The following LHFPL6 variants were observed in gnomAD, a reference collection of about 807,000 sequenced individuals.
LHFPL6 encodes the protein LHFPL tetraspan subfamily member 6 protein.
Under a neutral mutation model 20.6 loss-of-function variants are expected in LHFPL6, and 9 were observed. That is an observed-to-expected ratio of 0.44 (90% CI 0.26 to 0.76). The LOEUF is 0.76. Ranked by LOEUF, LHFPL6 falls within the 30% of genes least tolerant of loss-of-function variation. The pLI is 0.20. For synonymous variants in LHFPL6, 105 were observed against 98.7 expected, an observed-to-expected ratio of 1.06 and a Z score of -0.38; for missense variants, 218 against 253.5, an observed-to-expected ratio of 0.86 and a Z score of 0.95.
chr13:39,452,426 A>C (rs1417166610), intron 2 of LHFPL6, among the ~76,000 whole-genome samples: 1 of 152,230 alleles, frequency 6.6e-6, no homozygotes, highest in African/African-American at 2.4e-5. Context: ...TTCAACTTAG[A>C]GAAGAGAAAG....
intron 2 of LHFPL6, among the ~76,000 whole-genome samples, chr13:39,504,725 G>A (rs565337376): frequency 1.3e-5 from 2 of 152,330 alleles, no homozygotes; most frequent in Non-Finnish European, 2.9e-5. Context: ...TGCAAATACA[G>A]TCACATTCTG....
At chr13:39,554,130 C>T (rs767108528) in intron 2 of LHFPL6, among the ~76,000 whole-genome samples, 67 of 152,324 alleles carry the variant, frequency 4.4e-4, no homozygotes, top group Middle Eastern at 3.4e-3. Flanking sequence ...AACACCATTA[C>T]TTGTCCTATG....
chr13:39,440,156 T>C (rs1872077423), intron 2 of LHFPL6, among the ~76,000 whole-genome samples: 1 of 152,192 alleles, frequency 6.6e-6, no homozygotes, highest in Non-Finnish European at 1.5e-5. Context: ...GAAGATATTT[T>C]AGAGAGTTAT....
intron 2 of LHFPL6, among the ~76,000 whole-genome samples, chr13:39,415,332 A>G (rs918467111): frequency 6.6e-6 from 1 of 152,226 alleles, no homozygotes; most frequent in Non-Finnish European, 1.5e-5. Flanking sequence ...GCCTCAGCCG[A>G]TAACTGAAGG....
At chr13:39,565,553 T>A (rs747875595) in intron 2 of LHFPL6, among the ~76,000 whole-genome samples, 8 of 152,174 alleles carry the variant, frequency 5.3e-5, no homozygotes, top group Admixed American at 1.3e-4. Flanking sequence ...GAGAAGGGAA[T>A]TGTAGTTTGA....
chr13:39,425,262 T>C (rs552026038), intron 2 of LHFPL6, among the ~76,000 whole-genome samples: 7 of 152,366 alleles, frequency 4.6e-5, no homozygotes, highest in African/African-American at 1.4e-4. Context: ...CATTCATCTT[T>C]ATTGTAACAG....
intron 2 of LHFPL6, among the ~76,000 whole-genome samples, chr13:39,565,211 G>C (rs1481579174): frequency 8.0e-5 from 3 of 37,572 alleles, no homozygotes; most frequent in Admixed American, 1.9e-4. Flanking sequence ...CAGAGAAAAA[G>C]CAGTTGAATT....
chr13:39,479,962 C>T (rs1327260979), intron 2 of LHFPL6, among the ~76,000 whole-genome samples: 1 of 152,178 alleles, frequency 6.6e-6, no homozygotes, highest in Non-Finnish European at 1.5e-5. Flanking sequence ...CATACTATTT[C>T]ATAGCGCGAC....
intron 2 of LHFPL6, among the ~76,000 whole-genome samples, chr13:39,515,292 C>T (rs888993769): frequency 1.1e-4 from 17 of 152,222 alleles, no homozygotes; most frequent in Non-Finnish European, 1.9e-4. Flanking sequence ...TTCAGGTTTG[C>T]CACTTTCCCA....
At chr13:39,346,941 A>G (rs1033301351) in intron 3 of LHFPL6, among the ~76,000 whole-genome samples, 1 of 152,120 alleles carries the variant, frequency 6.6e-6, no homozygotes, top group African/African-American at 2.4e-5. Context: ...ACATAAGCAC[A>G]CAGACATCAA....
chr13:39,500,150 A>T (rs920340662), intron 2 of LHFPL6, among the ~76,000 whole-genome samples: 3 of 151,962 alleles, frequency 2.0e-5, no homozygotes, highest in Non-Finnish European at 4.4e-5. Context: ...TTCCAGGTAT[A>T]AGCCCTTTGC....
intron 2 of LHFPL6, among the ~76,000 whole-genome samples, chr13:39,554,638 G>T (rs74425898): frequency 6.6e-6 from 1 of 152,042 alleles, no homozygotes; most frequent in Admixed American, 6.6e-5. Flanking sequence ...TTCAAATGTT[G>T]TTGTCTTCCC....
chr13:39,449,545 A>G (rs1872385553), intron 2 of LHFPL6, among the ~76,000 whole-genome samples: 1 of 152,250 alleles, frequency 6.6e-6, no homozygotes, highest in Admixed American at 6.5e-5. Flanking sequence ...ACTGTGAAAT[A>G]GTTAACATTC....
At chr13:39,526,339 T>C (rs1370355858) in intron 2 of LHFPL6, among the ~76,000 whole-genome samples, 2 of 152,146 alleles carry the variant, frequency 1.3e-5, no homozygotes, top group East Asian at 3.9e-4. Flanking sequence ...GATACAGATA[T>C]ACATGGCAGG....
At chr13:39,392,438 T>C (rs952351313) in intron 2 of LHFPL6, among the ~76,000 whole-genome samples, 1 of 151,994 alleles carries the variant, frequency 6.6e-6, no homozygotes, top group Non-Finnish European at 1.5e-5. Flanking sequence ...CTACTAAAAA[T>C]ACAAAATTAG....
intron 2 of LHFPL6, among the ~76,000 whole-genome samples, chr13:39,572,958 G>A (rs1027728691): frequency 6.6e-6 from 1 of 152,184 alleles, no homozygotes; most frequent in Non-Finnish European, 1.5e-5. Context: ...TGTTATTGAG[G>A]TTAAAGGTGA....
intron 2 of LHFPL6, among the ~76,000 whole-genome samples, chr13:39,489,431 T>C (rs759774934): frequency 5.9e-5 from 9 of 152,192 alleles, no homozygotes; most frequent in Non-Finnish European, 1.2e-4. Flanking sequence ...AGGGTTAGTC[T>C]TGATCATCTC....
intron 2 of LHFPL6, among the ~76,000 whole-genome samples, chr13:39,523,975 T>C (rs1015873647): frequency 2.6e-5 from 4 of 152,142 alleles, no homozygotes; most frequent in Admixed American, 6.5e-5. Flanking sequence ...AGATTTGTAT[T>C]ATGGAGCAAT....
chr13:39,566,875 A>C (rs1284551507), intron 2 of LHFPL6, among the ~76,000 whole-genome samples: 1 of 152,086 alleles, frequency 6.6e-6, no homozygotes, highest in East Asian at 1.9e-4. Flanking sequence ...TCCTGGACAA[A>C]TAATAATACT....
Sources: allele counts gnomAD v4.1 joint callset (sites outside exome capture counted in the v4.1 genomes callset), GRCh38; gene constraint gnomAD v4.1.1; transcripts MANE v1.5; gene names NCBI Gene and HGNC (gene_info 2026-07-23, HGNC 2026-07-21).